MYO6: variants seen among roughly 807,000 people sequenced by gnomAD.
MYO6 encodes myosin VI.
A neutral mutation model predicts 178.7 loss-of-function variants in MYO6; 74 were observed. The observed-to-expected ratio is 0.41, with a 90% CI of 0.34 to 0.50. MYO6 has a LOEUF of 0.50. Among genes scored for constraint, MYO6 ranks in the 20% least tolerant of loss-of-function variants. MYO6 has a pLI of 0.09. For synonymous variants in MYO6, 477 were observed against 504.6 expected, an observed-to-expected ratio of 0.95 and a Z score of 0.73; for missense variants, 1,330 against 1,547.4, an observed-to-expected ratio of 0.86 and a Z score of 2.36.
intron 32 of MYO6, among the ~76,000 whole-genome samples, chr6:75,910,414 T>C (rs565397682): frequency 1.3e-5 from 2 of 152,310 alleles, no homozygotes; most frequent in South Asian, 4.1e-4. Flanking sequence ...TGACTCAAAC[T>C]TTGATACCTT....
At chr6:75,886,632 G>C (rs1176708831) in intron 24 of MYO6, among the ~76,000 whole-genome samples, 1 of 152,156 alleles carries the variant, frequency 6.6e-6, no homozygotes, top group African/African-American at 2.4e-5. Flanking sequence ...AATTCTCAAA[G>C]TTGTAGAAGG....
intron 10 of MYO6, among the ~76,000 whole-genome samples, chr6:75,847,074 A>G (rs752819601): frequency 2.0e-5 from 3 of 152,126 alleles, no homozygotes; most frequent in Non-Finnish European, 4.4e-5. Context: ...TTAGTCTGCC[A>G]TACAGCAAAT....
In MYO6 at chr6:75,764,729, A is replaced by C. The variant is rs7774466; in HGVS notation, c.-48+15306A>C. Among the ~76,000 whole-genome samples, 700 of 152,180 alleles carry C rather than the reference A, an allele frequency of 4.6e-3. 10 individuals carry two copies. Among genetic ancestry groups the C allele is most frequent in the African/African-American group, 0.016 (677 of 41,530 alleles). On this transcript the variant is annotated intron_variant, in intron 1 of 34. Coordinates refer to ENST00000369977, the MANE Select transcript of MYO6 (RefSeq NM_004999.4). ...ATATTCACTGTATTAGAAATTTAAA[A>C]ATGATTTGATCCAGGCCAGGCACTT...
intron 29 of MYO6, among the ~76,000 whole-genome samples, chr6:75,897,258 C>G (rs1007738010): frequency 6.6e-6 from 1 of 152,190 alleles, no homozygotes; most frequent in Non-Finnish European, 1.5e-5. Flanking sequence ...ACATACTTAT[C>G]AAAATCTGCT....
intron 1 of MYO6, among the ~76,000 whole-genome samples, chr6:75,792,210 A>T (rs143553758): frequency 6.6e-6 from 1 of 152,190 alleles, no homozygotes; most frequent in South Asian, 2.1e-4. Context: ...TACTGTTGCT[A>T]CTTGGTTCTA....
At chr6:75,780,166 C>T (rs748231680) in intron 1 of MYO6, among the ~76,000 whole-genome samples, 7 of 152,298 alleles carry the variant, frequency 4.6e-5, no homozygotes, top group Admixed American at 1.3e-4. Context: ...TGTGGCCAGG[C>T]GCAGTGGCTC....
chr6:75,856,133 A>G (rs1775699744), intron 12 of MYO6, among the ~76,000 whole-genome samples: 1 of 152,214 alleles, frequency 6.6e-6, no homozygotes, highest in Non-Finnish European at 1.5e-5. Flanking sequence ...AAGTTTGTAG[A>G]GTACCACCCT....
chr6:75,826,651 A>C (rs2150199109), intron 3 of MYO6, among the ~76,000 whole-genome samples: 1 of 152,200 alleles, frequency 6.6e-6, no homozygotes, highest in Non-Finnish European at 1.5e-5. Flanking sequence ...AAGGTAGGTG[A>C]CCTCATACCC....
At chr6:75,769,586 C>T (rs1778739207) in intron 1 of MYO6, among the ~76,000 whole-genome samples, 1 of 152,244 alleles carries the variant, frequency 6.6e-6, no homozygotes, top group African/African-American at 2.4e-5. Flanking sequence ...GGCAGCTCCA[C>T]TCCCTCTGCT....
chr6:75,911,046 A>G (rs1356948356), intron 32 of MYO6, among the ~76,000 whole-genome samples: 3 of 152,118 alleles, frequency 2.0e-5, no homozygotes, highest in Non-Finnish European at 4.4e-5. Flanking sequence ...ACAGTCCTGG[A>G]TGAGCATACT....
chr6:75,905,442 C>A (rs549786036), intron 30 of MYO6, among the ~76,000 whole-genome samples: 1 of 152,232 alleles, frequency 6.6e-6, no homozygotes, highest in African/African-American at 2.4e-5. Context: ...TTAAGCCCGT[C>A]GGAAAAGCGC....
intron 1 of MYO6, among the ~76,000 whole-genome samples, chr6:75,776,571 G>A (rs1583036982): frequency 6.6e-6 from 1 of 152,036 alleles, no homozygotes; most frequent in African/African-American, 2.4e-5. Context: ...TCCCTATTTA[G>A]AAACTAAGCA....
chr6:75,819,660 T>G (rs1771676850), intron 2 of MYO6, among the ~76,000 whole-genome samples: 1 of 152,224 alleles, frequency 6.6e-6, no homozygotes, highest in African/African-American at 2.4e-5. Flanking sequence ...TGTGTAGTGT[T>G]TGTGTGTGTT....
intron 1 of MYO6, among the ~76,000 whole-genome samples, chr6:75,809,492 T>C (rs1002291481): frequency 1.3e-5 from 2 of 152,160 alleles, no homozygotes; most frequent in African/African-American, 4.8e-5. Flanking sequence ...ATGAACAGTC[T>C]CAAGAAGTCC....
chr6:75,866,733 A>T (rs1028379842), intron 17 of MYO6, 112 bp downstream of exon 17: 22 of 1,165,986 alleles, frequency 1.9e-5, no homozygotes, highest in Non-Finnish European at 2.5e-5. Flanking sequence ...ATTTAAATTA[A>T]GTAAAATTAC....
At chr6:75,822,410 T>G (rs1451053671) in intron 2 of MYO6, among the ~76,000 whole-genome samples, 1 of 152,184 alleles carries the variant, frequency 6.6e-6, no homozygotes, top group Non-Finnish European at 1.5e-5. Flanking sequence ...TTTTTCCTTT[T>G]TTAAAACACT....
chr6:75,881,951 A>G (rs913008954), intron 23 of MYO6, 133 bp downstream of exon 23: 19 of 996,120 alleles, frequency 1.9e-5, no homozygotes, highest in Non-Finnish European at 2.8e-5. Context: ...CCAGGTTCCT[A>G]TTTGTAGATG....
chr6:75,852,537 C>T (rs1775376764), intron 11 of MYO6, among the ~76,000 whole-genome samples: 1 of 152,106 alleles, frequency 6.6e-6, no homozygotes, highest in South Asian at 2.1e-4. Flanking sequence ...CCTAGGTGAC[C>T]ACTAATCTAC....
intron 25 of MYO6, among the ~76,000 whole-genome samples, chr6:75,889,127 A>G (rs1778697201): frequency 6.6e-6 from 1 of 152,174 alleles, no homozygotes; most frequent in Admixed American, 6.6e-5. Flanking sequence ...ATTTTATGTA[A>G]ACAATGGCAA....
Sources: allele counts gnomAD v4.1 joint callset (sites outside exome capture counted in the v4.1 genomes callset), GRCh38; gene constraint gnomAD v4.1.1; transcripts MANE v1.5; gene names NCBI Gene and HGNC (gene_info 2026-07-23, HGNC 2026-07-21).